ABHD12: variants seen among roughly 807,000 people sequenced by gnomAD.
ABHD12 encodes lysophosphatidylserine lipase ABHD12.
A neutral mutation model predicts 58.3 loss-of-function variants in ABHD12; 43 were observed. The observed-to-expected ratio is 0.74, with a 90% confidence interval of 0.58 to 0.95. ABHD12 has a LOEUF of 0.95. Among genes scored for constraint, ABHD12 ranks in the 40% least tolerant of loss-of-function variants. The pLI, the probability that ABHD12 is intolerant of heterozygous loss-of-function variation, is 0.00. For synonymous variants in ABHD12, 219 were observed against 211.2 expected, an observed-to-expected ratio of 1.04 and a Z score of -0.32; for missense variants, 539 against 537.2, an observed-to-expected ratio of 1.00 and a Z score of -0.03.
At chr20:25,341,878 C>T (rs911940967) in intron 1 of ABHD12, among the ~76,000 whole-genome samples, 2 of 152,056 alleles carry the variant, frequency 1.3e-5, no homozygotes, top group Non-Finnish European at 2.9e-5. Context: ...CAATGCCTGG[C>T]GCCTATGCTT....
At chr20:25,338,921 G>A (rs1169569282) in intron 2 of ABHD12, 1 of 1,200,094 alleles carries the variant, frequency 8.3e-7, no homozygotes, top group Non-Finnish European at 1.0e-6. Context: ...CCCCAGGGCA[G>A]TGTAGTCTTC....
chr20:25,339,692 A>AACCTCGTATCAGGAAAGAGCG, intron 1 of ABHD12: 1 of 1,376,668 alleles, frequency 7.3e-7, no homozygotes, highest in Non-Finnish European at 9.7e-7. Flanking sequence ...CCCCAGCTGT[A>AACCTCGTATCAGGAAAGAGCG]ACCTCGTATC....
At chr20:25,334,936 A>T (rs1395454942) in intron 2 of ABHD12, among the ~76,000 whole-genome samples, 6 of 151,972 alleles carry the variant, frequency 3.9e-5, no homozygotes, top group African/African-American at 1.5e-4. Context: ...AATGGCAACA[A>T]AAGCCAAAAT....
chr20:25,309,331 C>T (rs144597032), intron 7 of ABHD12, 115 bp downstream of exon 7: 188 of 1,498,796 alleles, frequency 1.3e-4, no homozygotes, highest in East Asian at 3.9e-4. Context: ...CGAGGCTGGT[C>T]GGGACTAATG....
chr20:25,344,693 C>T (rs1346846259), intron 1 of ABHD12, among the ~76,000 whole-genome samples: 2 of 152,118 alleles, frequency 1.3e-5, no homozygotes, highest in Non-Finnish European at 2.9e-5. Flanking sequence ...AGGCAAAAGA[C>T]TCAGGATAGA....
chr20:25,390,463 A>C lies in ABHD12; in HGVS notation c.191+50T>G, dbSNP rs1015127957. 569 of 1,327,886 alleles carry C rather than the reference A, an allele frequency of 4.3e-4. 34 individuals are homozygous for C. Among genetic ancestry groups the C allele is most frequent in the Non-Finnish European group, 5.1e-4 (536 of 1,043,796 alleles). 82.3% of individuals were successfully genotyped at this position (1,327,886 alleles called of 1,614,324 possible). A position where few individuals can be genotyped will look rare whatever the true frequency, so the allele number is the denominator to read the frequency against. On this transcript the variant is annotated intron_variant, in intron 1 of 12. Transcript: ENST00000339157. ...GGCCCCCTGCGGGACGCACCTGCGC[A>C]AAGTGAGGGACCGGCCCCCCCCCCC...
intron 1 of ABHD12, 69 bp downstream of exon 1, chr20:25,390,444 C>A (rs1330151140): frequency 5.2e-6 from 7 of 1,347,288 alleles, no homozygotes; most frequent in African/African-American, 1.6e-5. Context: ...CCGCGGCCCC[C>A]TGCGGGACGC....
At chr20:25,355,590 T>C (rs569780060) in intron 1 of ABHD12, among the ~76,000 whole-genome samples, 2 of 152,314 alleles carry the variant, frequency 1.3e-5, no homozygotes, top group South Asian at 4.1e-4. Flanking sequence ...GAGACAGTCT[T>C]GCTCTGTCAC....
intron 6 of ABHD12, among the ~76,000 whole-genome samples, chr20:25,311,996 C>T (rs1311140115): frequency 6.6e-6 from 1 of 152,040 alleles, no homozygotes; most frequent in African/African-American, 2.4e-5. Context: ...GCGTGAGCCA[C>T]CGTGCCCAGC....
chr20:25,323,460 A>G (rs1181530151), intron 2 of ABHD12, 30 bp from the exon 3 acceptor site: 1 of 1,387,966 alleles, frequency 7.2e-7, no homozygotes, highest in South Asian at 1.2e-5. Flanking sequence ...GGAAATTAGG[A>G]TTACTGGTGG....
intron 1 of ABHD12, chr20:25,368,663 A>G: frequency 7.3e-7 from 1 of 1,364,938 alleles, no homozygotes; most frequent in Non-Finnish European, 1.0e-6. Context: ...AGAGCATGAA[A>G]GTTTTCTGCT....
chr20:25,389,691 G>A (rs772062039), intron 1 of ABHD12, among the ~76,000 whole-genome samples: 12 of 150,462 alleles, frequency 8.0e-5, no homozygotes, highest in Non-Finnish European at 1.5e-4. Context: ...TAACCCAAAG[G>A]TTATTGAACG....
At chr20:25,320,889 G>C (rs558035242) in intron 3 of ABHD12, among the ~76,000 whole-genome samples, 32 of 152,308 alleles carry the variant, frequency 2.1e-4, no homozygotes, top group African/African-American at 5.3e-4. Flanking sequence ...GCACTCTGAA[G>C]CTGCTGGTCT....
At chr20:25,306,703 T>C in intron 10 of ABHD12, 130 bp downstream of exon 10, 2 of 684,834 alleles carry the variant, frequency 2.9e-6, no homozygotes, top group East Asian at 5.7e-5. Flanking sequence ...TTTAAAGACC[T>C]GTTTGCTAGA....
chr20:25,316,642 C>T (rs768141109), intron 5 of ABHD12, among the ~76,000 whole-genome samples: 1 of 152,198 alleles, frequency 6.6e-6, no homozygotes, highest in South Asian at 2.1e-4. Context: ...CCTTCCAGCA[C>T]GCCCATCCAA....
intron 1 of ABHD12, among the ~76,000 whole-genome samples, chr20:25,344,879 C>T (rs1215508213): frequency 1.3e-5 from 2 of 152,092 alleles, no homozygotes; most frequent in Non-Finnish European, 2.9e-5. Flanking sequence ...GGAGCAAGGG[C>T]AATACAATGG....
chr20:25,390,263 A>C, intron 1 of ABHD12: 1 of 371,172 alleles, frequency 2.7e-6, no homozygotes, highest in Non-Finnish European at 4.8e-6. Flanking sequence ...GTGCCTGGCG[A>C]GAGGGCCGGA....
In ABHD12 at chr20:25,390,515, G is replaced by C. The variant is rs567546607; in HGVS notation, c.189C>G (p.Gly63=). 346 of 1,172,954 alleles carry C rather than the reference G, an allele frequency of 2.9e-4. No individual in the cohort carries two copies. In the African/African-American group the frequency reaches 5.5e-3, roughly 19 times the overall value. The allele number at this position is 1,172,954 out of a possible 1,614,324, so 72.7% of individuals were successfully genotyped here. ...AADAGMKRAL[G]RRKGVWLRLR... ...CCCCGCTCCGCGCGAAGCCTCACCT[G>C]CCCAGCGCCCGCTTCATTCCCGCGT... Residue 63 remains glycine, a splice_region_variant and synonymous_variant, in exon 1 of 13, where the codon GGC becomes GGG. Transcript: ENST00000339157.
In ABHD12 at chr20:25,340,921, T is replaced by C. The variant is rs548227938; in HGVS notation, c.192-1570A>G. On this transcript the variant is annotated intron_variant, in intron 1 of 12. Coordinates refer to ENST00000339157, the MANE Select transcript of ABHD12 (RefSeq NM_001042472.3). ...TTACCTTGATGTGGCTGTGGTCACA[T>C]GATGGCACACATTTATCAAGACTCA... is the stretch of plus-strand genomic sequence containing the variant. Among the ~76,000 whole-genome samples, 254 of 152,322 alleles carry C rather than the reference T, an allele frequency of 1.7e-3. 2 individuals carry two copies. Among genetic ancestry groups the C allele is most frequent in the Non-Finnish European group, 3.0e-3 (201 of 68,032 alleles).
Sources: allele counts gnomAD v4.1 joint callset (sites outside exome capture counted in the v4.1 genomes callset), GRCh38; gene constraint gnomAD v4.1.1; transcripts MANE v1.5; gene names NCBI Gene and HGNC (gene_info 2026-07-23, HGNC 2026-07-21).